The following WWOX variants were observed in gnomAD, a reference collection of about 807,000 sequenced individuals.
WWOX encodes the protein WW domain-containing oxidoreductase.
In WWOX, 69 loss-of-function variants were observed where a neutral mutation model predicts 46.2. The observed-to-expected ratio is 1.49, with a 90% CI of 1.23 to 1.82. WWOX has a LOEUF of 1.82. Among genes scored for constraint, WWOX ranks in the 40% most tolerant of loss-of-function variants. The pLI, the probability that WWOX is intolerant of heterozygous loss-of-function variation, is 0.00. For missense variants in WWOX, 919 were observed against 542.6 expected (o/e 1.69, Z -6.89); for synonymous variants, 359 against 202.6 (o/e 1.77, Z -6.56).
intron 8 of WWOX, among the ~76,000 whole-genome samples, chr16:78,687,886 G>A (rs576661724): frequency 2.3e-4 from 35 of 152,092 alleles, no homozygotes; most frequent in Non-Finnish European, 4.3e-4. Flanking sequence ...AGCTAGAAAC[G>A]CATGTTAAAT....
At chr16:78,461,375 A>G (rs1172616451) in intron 8 of WWOX, among the ~76,000 whole-genome samples, 2 of 151,812 alleles carry the variant, frequency 1.3e-5, no homozygotes, top group African/African-American at 4.9e-5. Context: ...AAAAACAAAC[A>G]AACAAACAAA....
chr16:78,820,453 C>G (rs993081736), intron 8 of WWOX, among the ~76,000 whole-genome samples: 12 of 152,114 alleles, frequency 7.9e-5, no homozygotes, highest in African/African-American at 2.9e-4. Flanking sequence ...AAATAAAAAT[C>G]TTTCTTACTG....
chr16:78,907,965 T>C (rs765728570), intron 8 of WWOX, among the ~76,000 whole-genome samples: 1 of 152,168 alleles, frequency 6.6e-6, no homozygotes, highest in Non-Finnish European at 1.5e-5. Flanking sequence ...CTGGGATCAG[T>C]GCACAGCTTT....
intron 8 of WWOX, among the ~76,000 whole-genome samples, chr16:78,956,924 GC>G (rs2046179108): frequency 6.6e-6 from 1 of 152,174 alleles, no homozygotes; most frequent in African/African-American, 2.4e-5. Context: ...AAGAAAGTTT[GC>G]TACTGTCACT....
At chr16:78,998,885 C>T (rs17643319) in intron 8 of WWOX, among the ~76,000 whole-genome samples, 46,994 of 152,092 alleles carry the variant, frequency 0.31, 8,750 homozygotes, top group Non-Finnish European at 0.41. Context: ...CTGGCAGGGG[C>T]GGTGTCCGAC....
At chr16:78,129,472 A>T (rs2033502128) in intron 4 of WWOX, among the ~76,000 whole-genome samples, 1 of 152,192 alleles carries the variant, frequency 6.6e-6, no homozygotes, top group Non-Finnish European at 1.5e-5. Flanking sequence ...TTCAGTAAAA[A>T]TACAGTGTTG....
chr16:78,530,852 G>T lies in WWOX; in HGVS notation c.1056+98100G>T, dbSNP rs10438609. ...TAATAATTTTTAACATTGATTGAGT[G>T]TGGATAATAATCCAGGAGCTGTGCT... On this transcript the variant is annotated intron_variant, in intron 8 of 8. Transcript: ENST00000566780. Among the ~76,000 whole-genome samples, 117 of 152,246 alleles carry T rather than the reference G, an allele frequency of 7.7e-4. 1 individual carries two copies. The highest frequency in any genetic ancestry group is 7.6e-3 in the Admixed American group (116 of 15,304).
chr16:79,190,366 T>C (rs1567607616), intron 8 of WWOX, among the ~76,000 whole-genome samples: 1 of 152,054 alleles, frequency 6.6e-6, no homozygotes, highest in Non-Finnish European at 1.5e-5. Flanking sequence ...GGAATTAGCG[T>C]GTAGCTATTA....
At chr16:79,196,779 A>C (rs2051249333) in intron 8 of WWOX, among the ~76,000 whole-genome samples, 2 of 151,848 alleles carry the variant, frequency 1.3e-5, no homozygotes, top group African/African-American at 4.8e-5. Context: ...CTTGTTGTAG[A>C]GATGTTCTAT....
At chr16:78,557,945 C>A (rs547379420) in intron 8 of WWOX, among the ~76,000 whole-genome samples, 1 of 152,204 alleles carries the variant, frequency 6.6e-6, no homozygotes, top group South Asian at 2.1e-4. Flanking sequence ...GATCTGCCCA[C>A]CTTGGCCTCC....
rs753602303 is a variant in WWOX, at chr16:78,424,902, C to A, written c.638C>A (p.Thr213Asn). The A allele has an allele frequency of 5.0e-6, 8 of 1,614,152 alleles. No homozygotes were observed. In the Admixed American group the frequency reaches 1.3e-4, roughly 27 times the overall value. The stretch of plus-strand genomic sequence containing the variant: ...CATGTGCTTGTGTGCAACGCAGCAA[C>A]TTTTGCTCTACCCTGGAGTCTCACC... ...PLHVLVCNAA[T>N]FALPWSLTKD... Residue 213 changes from threonine (T) to asparagine (N), a missense_variant, in exon 7 of 9, where the codon ACT becomes AAT. Coordinates refer to ENST00000566780, the MANE Select transcript of WWOX (RefSeq NM_016373.4).
At chr16:78,576,530 G>T (rs1306904176) in intron 8 of WWOX, among the ~76,000 whole-genome samples, 1 of 152,162 alleles carries the variant, frequency 6.6e-6, no homozygotes, top group Non-Finnish European at 1.5e-5. Flanking sequence ...CATGAAAGCA[G>T]TGACCACATA....
chr16:78,355,105 C>T (rs991241927), intron 5 of WWOX, among the ~76,000 whole-genome samples: 3 of 151,672 alleles, frequency 2.0e-5, no homozygotes, highest in Middle Eastern at 3.4e-3. Context: ...GCACTCCAGC[C>T]TGGGTCACAG....
At chr16:78,984,630 CT>C (rs2046748837) in intron 8 of WWOX, among the ~76,000 whole-genome samples, 1 of 152,218 alleles carries the variant, frequency 6.6e-6, no homozygotes, top group South Asian at 2.1e-4. Flanking sequence ...GTCAATGTTT[CT>C]GTCTCAACTG....
chr16:78,830,835 G>A (rs1052621699), intron 8 of WWOX, among the ~76,000 whole-genome samples: 8 of 151,912 alleles, frequency 5.3e-5, no homozygotes, highest in South Asian at 2.1e-4. Context: ...TATTTCTGTC[G>A]TTTGCAGAGT....
At chr16:78,279,197 A>G (rs1029054501) in intron 5 of WWOX, among the ~76,000 whole-genome samples, 2 of 152,214 alleles carry the variant, frequency 1.3e-5, no homozygotes, top group Non-Finnish European at 2.9e-5. Context: ...TTATGTGTGA[A>G]GAAATAAAGA....
intron 8 of WWOX, among the ~76,000 whole-genome samples, chr16:78,809,382 CTTT>C (rs1199639070): frequency 3.4e-5 from 5 of 146,488 alleles, no homozygotes; most frequent in Non-Finnish European, 6.0e-5. Context: ...CGAATGAAAA[CTTT>C]TTATTATATT....
At chr16:78,260,023 A>T (rs888945361) in intron 5 of WWOX, among the ~76,000 whole-genome samples, 3 of 151,124 alleles carry the variant, frequency 2.0e-5, no homozygotes, top group African/African-American at 7.3e-5. Flanking sequence ...GTGCCTTCTG[A>T]CTGGGTGAGA....
At chr16:79,061,944 C>G (rs1326136858) in intron 8 of WWOX, among the ~76,000 whole-genome samples, 1 of 152,208 alleles carries the variant, frequency 6.6e-6, no homozygotes, top group East Asian at 1.9e-4. Context: ...GAAAGTGGGA[C>G]TTCAGACGCT....
Sources: allele counts gnomAD v4.1 joint callset (sites outside exome capture counted in the v4.1 genomes callset), GRCh38; gene constraint gnomAD v4.1.1; transcripts MANE v1.5; gene names NCBI Gene and HGNC (gene_info 2026-07-23, HGNC 2026-07-21).